The following UBA2 variants were observed in gnomAD, a reference collection of about 807,000 sequenced individuals.
The protein encoded by UBA2 is ubiquitin like modifier activating enzyme 2.
A neutral mutation model predicts 77.2 loss-of-function variants in UBA2; 11 were observed. The ratio of observed to expected loss-of-function variants is 0.14; its 90% CI spans 0.09 to 0.24. The LOEUF (loss-of-function observed/expected upper bound fraction) is 0.24, where lower values mean the gene tolerates loss of function less well. UBA2 is among the 10% of genes least tolerant of loss of function. The pLI is 1.00. For synonymous variants in UBA2, 278 were observed against 276.7 expected (o/e 1.00, Z -0.05); for missense variants, 487 against 781.7 (o/e 0.62, Z 4.50).
At position 34,433,378 on chromosome 19, in the gene UBA2, G is replaced by T. The variant is rs2075276454; in HGVS notation, c.324G>T (p.Gln108His). The part of the protein sequence containing the change: ...NPDYNVEFFR[Q>H]FILVMNALDN... Reference sequence around the variant, plus strand: ...ACTATAATGTGGAATTTTTCCGACAGTTTATACTGGTTATGAATGCTTTAG... The same window carrying T: ...ACTATAATGTGGAATTTTTCCGACATTTTATACTGGTTATGAATGCTTTAG... The change falls in exon 4 of 17, where the codon CAG becomes CAT. Residue 108 changes from glutamine (Q) to histidine (H), a missense_variant. Physicochemically the swap from Gln to His is conservative, Grantham distance 24. Around this residue, in one of 9 missense-constraint regions of UBA2, gnomAD observed 66 missense variants for 112.0 expected, o/e 0.59. Transcript: ENST00000246548. 6.2e-7 allele frequency: 1 copy of T among 1,611,848 alleles called. No homozygotes were observed. Among genetic ancestry groups the T allele is most frequent in the Non-Finnish European group, 8.5e-7 (1 of 1,178,766 alleles).
Position 34,434,964 on chromosome 19 carries a change from A to G in UBA2, c.455A>G (p.Lys152Arg). 1.9e-6 allele frequency: 3 copies of G among 1,595,632 alleles called. No individual in the cohort carries two copies. Among genetic ancestry groups the G allele is most frequent in the Non-Finnish European group, 2.6e-6 (3 of 1,171,558 alleles). ...AGYLGQVTTIKKGVTECYECH... is the reference protein window; with the variant it reads ...AGYLGQVTTIRKGVTECYECH... ...TATCTTGGACAAGTAACTACTATCA[A>G]AAAGGTAAAGAAAAGTTTTATTTTT... Residue 152 changes from lysine to arginine, a missense_variant, in exon 5 of 17, where the codon AAA becomes AGA. Lys to Arg is a conservative substitution (Grantham distance 26). Around this residue, in one of 9 missense-constraint regions of UBA2, gnomAD observed 66 missense variants for 112.0 expected, o/e 0.59. Transcript: ENST00000246548.
intron 13 of UBA2, among the ~76,000 whole-genome samples, chr19:34,459,335 A>G (rs570474414): frequency 6.6e-6 from 1 of 152,324 alleles, no homozygotes; most frequent in African/African-American, 2.4e-5. Context: ...GCAAAGCCCC[A>G]GTTACCAGCT....
At chr19:34,458,304 C>G (rs1011829108) in intron 12 of UBA2, among the ~76,000 whole-genome samples, 9 of 151,984 alleles carry the variant, frequency 5.9e-5, no homozygotes, top group Non-Finnish European at 1.3e-4. Context: ...GCCTGTAATC[C>G]CAGCACTTTG....
chr19:34,432,001 A>G (rs879121146), intron 3 of UBA2, 70 bp downstream of exon 3: 8 of 1,165,120 alleles, frequency 6.9e-6, no homozygotes, highest in Non-Finnish European at 9.9e-6. Flanking sequence ...GCTCAAAGTC[A>G]TTCAGCTTTT....
intron 14 of UBA2, among the ~76,000 whole-genome samples, chr19:34,463,335 A>G (rs1016580787): frequency 6.6e-6 from 1 of 152,198 alleles, no homozygotes; most frequent in African/African-American, 2.4e-5. Context: ...CTGAATTCCC[A>G]GCGTTTTAAT....
At chr19:34,454,749 A>G (rs1186775983) in intron 12 of UBA2, among the ~76,000 whole-genome samples, 193 bp downstream of exon 12, 1 of 152,244 alleles carries the variant, frequency 6.6e-6, no homozygotes, top group Admixed American at 6.5e-5. Flanking sequence ...AAAATTAAGA[A>G]GTTGCTTTTG....
At chr19:34,461,598 T>C (rs11673331) in intron 14 of UBA2, among the ~76,000 whole-genome samples, 101,324 of 152,098 alleles carry the variant, frequency 0.67, 36,911 homozygotes, top group Non-Finnish European at 0.82. Context: ...GGTCAGGAAT[T>C]TCAGTGGCTT....
chr19:34,445,478 C>T (rs1179473254), intron 8 of UBA2, among the ~76,000 whole-genome samples: 2 of 136,426 alleles, frequency 1.5e-5, no homozygotes, highest in African/African-American at 5.5e-5. Context: ...TCACTCTTGT[C>T]GCCCAGGCTG....
At chr19:34,467,713 C>T (rs1201961714) in intron 16 of UBA2, among the ~76,000 whole-genome samples, 3 of 152,138 alleles carry the variant, frequency 2.0e-5, no homozygotes, top group Admixed American at 6.5e-5. Context: ...GCTGGGATCG[C>T]GCCACTGCAC....
In UBA2 at chr19:34,466,896, C is replaced by T. The variant is rs758939673; in HGVS notation, c.1623C>T (p.Asp541=). The T allele has an allele frequency of 2.0e-5, 33 of 1,612,954 alleles. No individual in the cohort carries two copies. Among genetic ancestry groups the T allele is most frequent in the East Asian group, 4.5e-5 (2 of 44,892 alleles). Residue 541 remains aspartate (D), a synonymous_variant, in exon 16 of 17, where the codon GAC becomes GAT. Transcript: ENST00000246548. The stretch of plus-strand genomic sequence containing the variant: ...CCTACAGTGAAGACCTAGGAAAGGA[C>T]GTTGAATTTGAAGTTGTTGGTGATG... ...NILHSEDLGK[D]VEFEVVGDAP... is the part of the protein sequence containing the mutation.
intron 12 of UBA2, among the ~76,000 whole-genome samples, chr19:34,456,100 C>CTCTTTTT (rs2075557076): frequency 1.8e-5 from 1 of 55,782 alleles, no homozygotes; most frequent in Non-Finnish European, 3.2e-5. Flanking sequence ...TTTTCCTTTT[C>CTCTTTTT]TTTTTCTTTT....
intron 5 of UBA2, among the ~76,000 whole-genome samples, chr19:34,437,712 C>T (rs1008280106): frequency 4.6e-5 from 7 of 152,170 alleles, no homozygotes; most frequent in Non-Finnish European, 8.8e-5. Flanking sequence ...TCATGTACTT[C>T]TTCCAAGGCA....
chr19:34,440,185 G>A (rs1164269720), intron 6 of UBA2, among the ~76,000 whole-genome samples: 2 of 151,760 alleles, frequency 1.3e-5, no homozygotes, highest in Non-Finnish European at 2.9e-5. Context: ...TTAACCAGGC[G>A]TGGTGGTGGG....
Position 34,460,579 on chromosome 19 carries a change from G to GTATT in UBA2, c.1498+18_1498+21dup. 6.4e-7 allele frequency: 1 copy of GTATT among 1,560,934 alleles called. No individual in the cohort carries two copies. Among genetic ancestry groups the GTATT allele is most frequent in the Non-Finnish European group, 8.7e-7 (1 of 1,146,130 alleles). On this transcript the variant is annotated intron_variant, in intron 14 of 16. Transcript: ENST00000246548. Reference sequence around the variant, plus strand: ...GGAGAGACGGAAGGTATCATACATTGTATTTATTCATTCCTCTCATTGAGG... The same window carrying GTATT: ...GGAGAGACGGAAGGTATCATACATTGTATTTATTTATTCATTCCTCTCATTGAGG...
At chr19:34,468,974 T>TA in intron 16 of UBA2, 66 bp from the exon 17 acceptor site, 1 of 1,369,970 alleles carries the variant, frequency 7.3e-7, no homozygotes, top group Non-Finnish European at 9.8e-7. Context: ...TTATAGAAAA[T>TA]ACAGGTGAGC....
chr19:34,468,027 T>C (rs1268967100), intron 16 of UBA2, among the ~76,000 whole-genome samples: 1 of 152,232 alleles, frequency 6.6e-6, no homozygotes, highest in Non-Finnish European at 1.5e-5. Flanking sequence ...TTGTCACCAG[T>C]ATGACTTGGG....
intron 5 of UBA2, among the ~76,000 whole-genome samples, chr19:34,435,966 C>CA (rs2075303493): frequency 6.6e-6 from 1 of 151,628 alleles, no homozygotes; most frequent in Non-Finnish European, 1.5e-5. Flanking sequence ...ACTAAAAATA[C>CA]AAAAATCAGC....
chr19:34,459,075 G>GCTTTT, intron 13 of UBA2, 151 bp downstream of exon 13: 1 of 804,126 alleles, frequency 1.2e-6, no homozygotes, highest in Non-Finnish European at 1.8e-6. Context: ...ATTCCTGCAG[G>GCTTTT]CTTTTCTGTC....
chr19:34,439,039 C>T (rs1425595496), intron 6 of UBA2, among the ~76,000 whole-genome samples: 2 of 151,982 alleles, frequency 1.3e-5, no homozygotes, highest in Admixed American at 1.3e-4. Context: ...TGAAACACAT[C>T]TCTACTAAAA....
Sources: gnomAD v4.1 joint callset for allele counts (sites outside exome capture counted in the v4.1 genomes callset) on GRCh38, gnomAD v4.1.1 for gene constraint, gnomAD v4.1.1 regional missense constraint, MANE v1.5 for transcripts, NCBI Gene and HGNC (gene_info 2026-07-23, HGNC 2026-07-21) for gene names.